The following SCG5 variants were observed in gnomAD, a reference collection of about 807,000 sequenced individuals.
SCG5 encodes the protein neuroendocrine protein 7B2.
Under a neutral mutation model 25.7 loss-of-function variants are expected in SCG5, and 18 were observed. That is an observed-to-expected ratio of 0.70 (90% CI 0.48 to 1.04). The LOEUF is 1.04. Ranked by LOEUF, SCG5 falls within the 50% of genes least tolerant of loss-of-function variation. The pLI, the probability that SCG5 is intolerant of heterozygous loss-of-function variation, is 0.00. For synonymous variants in SCG5, 101 were observed against 91.7 expected, an observed-to-expected ratio of 1.10 and a Z score of -0.58; for missense variants, 206 against 259.8, an observed-to-expected ratio of 0.79 and a Z score of 1.42.
chr15:32,642,622 A>G (rs2053883258), intron 1 of SCG5, among the ~76,000 whole-genome samples: 2 of 150,478 alleles, frequency 1.3e-5, no homozygotes, highest in Non-Finnish European at 2.9e-5. Context: ...TGCCTGAAGC[A>G]TGCATCCAAA....
At chr15:32,650,702 G>A (rs2054019392) in intron 2 of SCG5, among the ~76,000 whole-genome samples, 1 of 152,176 alleles carries the variant, frequency 6.6e-6, no homozygotes, top group Admixed American at 6.5e-5. Context: ...ACCAGAAAAT[G>A]TGCTTTCGTT....
intron 5 of SCG5, chr15:32,691,974 G>A: frequency 7.0e-7 from 1 of 1,424,332 alleles, no homozygotes; most frequent in Non-Finnish European, 9.2e-7. Context: ...ATGATTTTTA[G>A]TGGAACGCGC....
At chr15:32,651,492 C>G (rs900639327) in intron 2 of SCG5, among the ~76,000 whole-genome samples, 1 of 152,168 alleles carries the variant, frequency 6.6e-6, no homozygotes, top group Non-Finnish European at 1.5e-5. Flanking sequence ...GGGGACACTC[C>G]GTTTCTGGCT....
chr15:32,662,126 T>G (rs1411088625), intron 2 of SCG5, among the ~76,000 whole-genome samples: 1 of 152,222 alleles, frequency 6.6e-6, no homozygotes, highest in Non-Finnish European at 1.5e-5. Flanking sequence ...TTTTTCCAGT[T>G]TATCCCATCA....
intron 4 of SCG5, among the ~76,000 whole-genome samples, chr15:32,688,768 C>G (rs1478265948): frequency 6.6e-6 from 1 of 152,046 alleles, no homozygotes; most frequent in Non-Finnish European, 1.5e-5. Flanking sequence ...ACCATCCTGG[C>G]TAACACAGTG....
chr15:32,683,500 G>T (rs950305138), intron 3 of SCG5, among the ~76,000 whole-genome samples: 12 of 152,168 alleles, frequency 7.9e-5, no homozygotes, highest in Admixed American at 7.9e-4. Context: ...TGGAAAACTT[G>T]CTTGATTTCA....
At chr15:32,669,530 T>G (rs532923736) in intron 2 of SCG5, among the ~76,000 whole-genome samples, 92 of 152,176 alleles carry the variant, frequency 6.0e-4, no homozygotes, top group Middle Eastern at 3.2e-3. Flanking sequence ...AAATAAAGTT[T>G]TTAAAGGACA....
intron 2 of SCG5, among the ~76,000 whole-genome samples, chr15:32,651,526 A>G (rs1029350265): frequency 2.6e-5 from 4 of 152,204 alleles, no homozygotes; most frequent in Admixed American, 6.5e-5. Flanking sequence ...AGTTGGAGAA[A>G]GCAGTGCAGC....
At position 32,686,860 on chromosome 15, in the gene SCG5, G is replaced by A. The variant is rs114246683; in HGVS notation, c.489+2191G>A. Among the ~76,000 whole-genome samples the A allele has an allele frequency of 2.8e-3, 425 of 152,228 alleles. 1 individual carries two copies. Among genetic ancestry groups the A allele is most frequent in the Middle Eastern group, 0.017 (5 of 294 alleles). ...AATGAAATGAACCCAACTTAGCACCGCTCCACTTCATGTTTCGTCTGTATT... is the reference window on the plus strand; with the variant it reads ...AATGAAATGAACCCAACTTAGCACCACTCCACTTCATGTTTCGTCTGTATT... On this transcript the variant is annotated intron_variant, in intron 4 of 5. Coordinates refer to ENST00000300175, the MANE Select transcript of SCG5 (RefSeq NM_001144757.3).
chr15:32,673,178 CA>C (rs1423444593), intron 2 of SCG5: 2 of 152,104 alleles, frequency 1.3e-5, no homozygotes, highest in African/African-American at 4.8e-5. Flanking sequence ...CCTTTCCTTG[CA>C]AAGTGTGAGC....
chr15:32,677,934 T>C (rs1247802525), intron 2 of SCG5, among the ~76,000 whole-genome samples: 1 of 152,212 alleles, frequency 6.6e-6, no homozygotes, highest in African/African-American at 2.4e-5. Context: ...TGTGTTTTGG[T>C]GCTCAGAATA....
At chr15:32,650,313 G>C (rs992600192) in intron 2 of SCG5, among the ~76,000 whole-genome samples, 18 of 152,076 alleles carry the variant, frequency 1.2e-4, no homozygotes, top group African/African-American at 4.3e-4. Context: ...ATGTTAGCCA[G>C]GATGGTCTCG....
At chr15:32,692,147 AAC>A (rs1224179882) in intron 5 of SCG5, 1 of 1,055,186 alleles carries the variant, frequency 9.5e-7, no homozygotes, top group Non-Finnish European at 1.1e-6. Flanking sequence ...ATTCTATAAA[AAC>A]ACAGGACAGA....
chr15:32,683,161 C>T (rs528727744), intron 3 of SCG5, among the ~76,000 whole-genome samples: 2 of 152,244 alleles, frequency 1.3e-5, no homozygotes, highest in Non-Finnish European at 2.9e-5. Flanking sequence ...ATGACTTCCA[C>T]ACTAGCTGTA....
intron 4 of SCG5, among the ~76,000 whole-genome samples, chr15:32,689,320 G>A (rs1450793781): frequency 6.6e-6 from 1 of 152,126 alleles, no homozygotes; most frequent in African/African-American, 2.4e-5. Context: ...GTCTCCTCAA[G>A]CTTTCTTTTC....
intron 2 of SCG5, among the ~76,000 whole-genome samples, chr15:32,663,151 A>G (rs2054266222): frequency 6.7e-6 from 1 of 148,978 alleles, no homozygotes; most frequent in Non-Finnish European, 1.5e-5. Flanking sequence ...TATGAATGGC[A>G]GCTTTATTGA....
At position 32,677,827 on chromosome 15, in the gene SCG5, A is replaced by G. The variant is rs140020127; in HGVS notation, c.227-1939A>G. ...ATGAGCCTTATAGAATGTTAAGGCT[A>G]CAAGGAAAGAAAGTCCAGAAATTAA... On this transcript the variant is annotated intron_variant, in intron 2 of 5. Coordinates refer to ENST00000300175, the MANE Select transcript of SCG5 (RefSeq NM_001144757.3). The G allele has an allele frequency of 1.6e-3, 241 of 152,338 alleles. 2 individuals are homozygous for G. The highest frequency in any genetic ancestry group is 5.5e-3 in the African/African-American group (230 of 41,584). 9.4% of individuals were successfully genotyped at this position (152,338 alleles called of 1,614,324 possible).
At position 32,643,743 on chromosome 15, in the gene SCG5, T is replaced by C. The variant is rs1343064831; in HGVS notation, c.151T>C (p.Leu51=). ...QRLLHGVMEQ[L]GIARPRVEYP... ...GCTGCTTCATGGTGTTATGGAGCAA[T>C]TGGGCATTGCCAGGCCCCGAGTGGA... Residue 51 remains leucine (L), a synonymous_variant, in exon 2 of 6, where the codon TTG becomes CTG. Transcript: ENST00000300175. 9 of 1,613,852 alleles carry C rather than the reference T, an allele frequency of 5.6e-6. No individual in the cohort carries two copies. Among genetic ancestry groups the C allele is most frequent in the African/African-American group, 5.3e-5 (4 of 74,910 alleles).
chr15:32,685,041 G>A lies in SCG5; in HGVS notation c.489+372G>A, dbSNP rs567649053. Among the ~76,000 whole-genome samples the A allele has an allele frequency of 2.0e-5, 3 of 152,272 alleles. No individual in the cohort carries two copies. In the East Asian group the frequency reaches 5.8e-4, roughly 29 times the overall value. On this transcript the variant is annotated intron_variant, in intron 4 of 5. Transcript: ENST00000300175. Reference sequence around the variant, plus strand: ...TAATTGACACAGAAAATTTGCAAATGTGATCTCTAAACTAAGGGAGATGAT... The same window carrying A: ...TAATTGACACAGAAAATTTGCAAATATGATCTCTAAACTAAGGGAGATGAT...
Sources: allele counts gnomAD v4.1 joint callset (sites outside exome capture counted in the v4.1 genomes callset), GRCh38; gene constraint gnomAD v4.1.1; transcripts MANE v1.5; gene names NCBI Gene and HGNC (gene_info 2026-07-23, HGNC 2026-07-21).